The following FBXL7 variants were observed in gnomAD, a reference collection of about 807,000 sequenced individuals.
FBXL7 encodes F-box and leucine rich repeat protein 7.
A neutral mutation model predicts 38.3 loss-of-function variants in FBXL7; 12 were observed. The ratio of observed to expected loss-of-function variants is 0.31; its 90% confidence interval spans 0.20 to 0.51. FBXL7 has a LOEUF of 0.51. Ranked by LOEUF, FBXL7 falls within the 20% of genes least tolerant of loss-of-function variation. The pLI is 0.98. For missense variants in FBXL7, 567 were observed against 676.4 expected, an observed-to-expected ratio of 0.84 and a Z score of 1.79; for synonymous variants, 297 against 300.9, an observed-to-expected ratio of 0.99 and a Z score of 0.13.
chr5:15,726,012 T>C (rs1239617512), intron 2 of FBXL7, among the ~76,000 whole-genome samples: 1 of 152,208 alleles, frequency 6.6e-6, no homozygotes, highest in Non-Finnish European at 1.5e-5. Flanking sequence ...CTGTCTTCAA[T>C]TCTGACAGTT....
At chr5:15,721,109 TA>T (rs1367766026) in intron 2 of FBXL7, among the ~76,000 whole-genome samples, 1 of 152,212 alleles carries the variant, frequency 6.6e-6, no homozygotes, top group Non-Finnish European at 1.5e-5. Flanking sequence ...AAATGCTTGA[TA>T]GAGAATATAC....
intron 2 of FBXL7, among the ~76,000 whole-genome samples, chr5:15,837,376 G>T (rs1035301883): frequency 1.1e-4 from 16 of 152,114 alleles, no homozygotes; most frequent in Non-Finnish European, 1.5e-4. Context: ...CATTTTAAGG[G>T]ATCTGAGCCA....
At chr5:15,540,117 T>C (rs1737702819) in intron 1 of FBXL7, among the ~76,000 whole-genome samples, 1 of 152,148 alleles carries the variant, frequency 6.6e-6, no homozygotes, top group African/African-American at 2.4e-5. Context: ...AAGGAAAATA[T>C]CATGCAAAAG....
chr5:15,702,916 T>G (rs1743573457), intron 2 of FBXL7, among the ~76,000 whole-genome samples: 1 of 151,924 alleles, frequency 6.6e-6, no homozygotes, highest in Non-Finnish European at 1.5e-5. Context: ...AAAGGGGGGT[T>G]GTTCTCTGGC....
At chr5:15,576,754 C>T (rs1024304530) in intron 1 of FBXL7, among the ~76,000 whole-genome samples, 1 of 151,870 alleles carries the variant, frequency 6.6e-6, no homozygotes, top group African/African-American at 2.4e-5. Context: ...GGTAGTTGGC[C>T]GCCTGAGGTT....
At chr5:15,740,346 C>A (rs1221023566) in intron 2 of FBXL7, among the ~76,000 whole-genome samples, 1 of 152,158 alleles carries the variant, frequency 6.6e-6, no homozygotes, top group Non-Finnish European at 1.5e-5. Flanking sequence ...GTGGGGTCTG[C>A]CCTTTCACTT....
chr5:15,667,566 G>A (rs1453176627), intron 2 of FBXL7, among the ~76,000 whole-genome samples: 1 of 152,162 alleles, frequency 6.6e-6, no homozygotes, highest in African/African-American at 2.4e-5. Context: ...TTGATTCTGT[G>A]TAAGAAAGTT....
intron 2 of FBXL7, among the ~76,000 whole-genome samples, chr5:15,758,393 G>A (rs1579439177): frequency 2.0e-5 from 3 of 151,578 alleles, no homozygotes; most frequent in African/African-American, 4.8e-5. Context: ...CTGAAATTTG[G>A]GCTTCTAATG....
chr5:15,906,027 G>A (rs774148434), intron 2 of FBXL7, among the ~76,000 whole-genome samples: 4 of 152,024 alleles, frequency 2.6e-5, no homozygotes, highest in Admixed American at 6.6e-5. Context: ...CCACCATTCT[G>A]TTTATTTTAT....
In FBXL7 at chr5:15,701,036, T is replaced by G. The variant is rs1322974382; in HGVS notation, c.127+84964T>G. Among the ~76,000 whole-genome samples the G allele has an allele frequency of 3.3e-5, 5 of 152,286 alleles. No homozygotes were observed. The South Asian group carries it at 8.3e-4, about 25-fold the overall frequency. On this transcript the variant is annotated intron_variant, in intron 2 of 3. Transcript: ENST00000504595. ...CCTTTAATCAGTTCCTATATGTATATTGTGTCTTGCTGAGAATTGAGGAAG... is the reference window on the plus strand; with the variant it reads ...CCTTTAATCAGTTCCTATATGTATAGTGTGTCTTGCTGAGAATTGAGGAAG...
At chr5:15,570,603 G>C (rs1263565481) in intron 1 of FBXL7, among the ~76,000 whole-genome samples, 1 of 152,144 alleles carries the variant, frequency 6.6e-6, no homozygotes, top group Non-Finnish European at 1.5e-5. Flanking sequence ...GTCTGTGACT[G>C]TTCAGCTCTA....
intron 2 of FBXL7, among the ~76,000 whole-genome samples, chr5:15,918,395 T>A (rs1444499165): frequency 6.6e-6 from 1 of 152,180 alleles, no homozygotes; most frequent in Non-Finnish European, 1.5e-5. Flanking sequence ...CAGAAATTTC[T>A]TAGAAGATAC....
At chr5:15,887,676 T>C (rs1017761146) in intron 2 of FBXL7, among the ~76,000 whole-genome samples, 14 of 152,186 alleles carry the variant, frequency 9.2e-5, no homozygotes, top group Non-Finnish European at 2.1e-4. Context: ...ATTGGAATAT[T>C]AACTCCGCTA....
At chr5:15,745,973 C>A (rs895958537) in intron 2 of FBXL7, among the ~76,000 whole-genome samples, 28 of 152,156 alleles carry the variant, frequency 1.8e-4, no homozygotes, top group African/African-American at 6.3e-4. Context: ...TTCCTCTTTC[C>A]AAATGAGAGA....
chr5:15,737,971 T>C (rs1735797719), intron 2 of FBXL7, among the ~76,000 whole-genome samples: 1 of 152,184 alleles, frequency 6.6e-6, no homozygotes, highest in Admixed American at 6.5e-5. Context: ...GTTTCCCTTT[T>C]TGTAAAATCA....
At chr5:15,913,740 G>T (rs767934963) in intron 2 of FBXL7, among the ~76,000 whole-genome samples, 1 of 152,184 alleles carries the variant, frequency 6.6e-6, no homozygotes. Context: ...GAAAATTACG[G>T]ATTGCAAGCC....
At chr5:15,587,930 A>G (rs1739348365) in intron 1 of FBXL7, among the ~76,000 whole-genome samples, 1 of 152,148 alleles carries the variant, frequency 6.6e-6, no homozygotes, top group African/African-American at 2.4e-5. Context: ...TGTTTAGCAT[A>G]TGTTTTTGTT....
intron 2 of FBXL7, among the ~76,000 whole-genome samples, chr5:15,622,420 A>G (rs1457313504): frequency 1.3e-5 from 2 of 152,046 alleles, no homozygotes; most frequent in African/African-American, 4.8e-5. Flanking sequence ...ATATCTCCTA[A>G]TGCTATCCCT....
chr5:15,547,793 C>A (rs1225647936), intron 1 of FBXL7, among the ~76,000 whole-genome samples: 5 of 152,146 alleles, frequency 3.3e-5, no homozygotes, highest in Non-Finnish European at 5.9e-5. Context: ...GATGGTGTAT[C>A]CCCAGCACAT....
Sources: allele counts gnomAD v4.1 joint callset (sites outside exome capture counted in the v4.1 genomes callset), GRCh38; gene constraint gnomAD v4.1.1; transcripts MANE v1.5; gene names NCBI Gene and HGNC (gene_info 2026-07-23, HGNC 2026-07-21).